DHX15: variants seen among roughly 807,000 people sequenced by gnomAD.
DHX15 encodes the protein ATP-dependent RNA helicase DHX15.
Under a neutral mutation model 94.4 loss-of-function variants are expected in DHX15, and 11 were observed. That is an observed-to-expected ratio of 0.12 (90% CI 0.07 to 0.19). The LOEUF (loss-of-function observed/expected upper bound fraction) is 0.19. Ranked by LOEUF, DHX15 falls within the 10% of genes least tolerant of loss-of-function variation. The pLI, the probability that DHX15 is intolerant of heterozygous loss-of-function variation, is 1.00. For missense variants in DHX15, 304 were observed against 988.5 expected (o/e 0.31, Z 9.29); for synonymous variants, 338 against 329.9 (o/e 1.02, Z -0.27).
chr4:24,529,035 T>A (rs1043930033), intron 13 of DHX15, among the ~76,000 whole-genome samples: 4 of 152,084 alleles, frequency 2.6e-5, no homozygotes, highest in Middle Eastern at 3.4e-3. Context: ...TTTTTAAAAG[T>A]ATGTCTGAGA....
intron 2 of DHX15, among the ~76,000 whole-genome samples, chr4:24,575,241 C>T (rs1281198584): frequency 6.6e-6 from 1 of 151,852 alleles, no homozygotes; most frequent in Non-Finnish European, 1.5e-5. Flanking sequence ...GCTACAGTAC[C>T]TTCAAAATGT....
intron 1 of DHX15, among the ~76,000 whole-genome samples, chr4:24,579,781 T>C (rs1432745495): frequency 1.3e-5 from 2 of 152,228 alleles, no homozygotes; most frequent in South Asian, 2.1e-4. Flanking sequence ...ATTACTATTA[T>C]TTTGAGACGG....
At chr4:24,540,486 T>C (rs544473367) in intron 9 of DHX15, among the ~76,000 whole-genome samples, 187 bp from the exon 10 acceptor site, 1 of 152,266 alleles carries the variant, frequency 6.6e-6, no homozygotes, top group East Asian at 1.9e-4. Context: ...AAAATTTTCC[T>C]GTAGGCAAAA....
chr4:24,563,558 T>C (rs930758948), intron 3 of DHX15: 1 of 152,226 alleles, frequency 6.6e-6, no homozygotes, highest in African/African-American at 2.4e-5. Context: ...AAGTTGTTGA[T>C]TCCATCTGTA....
At chr4:24,538,693 C>T (rs558205132) in intron 10 of DHX15, 1 of 152,110 alleles carries the variant, frequency 6.6e-6, no homozygotes, top group East Asian at 1.9e-4. Flanking sequence ...AATGCTCATT[C>T]TCCTGACAAA....
At position 24,545,749 on chromosome 4, in the gene DHX15, C is replaced by T. The variant is rs78852539; in HGVS notation, c.1249-2723G>A. ...ATGGCACACCATACAACCAGGAACCCATCAGGAGACAAAATGACCTTGAAT... is the reference window on the plus strand; with the variant it reads ...ATGGCACACCATACAACCAGGAACCTATCAGGAGACAAAATGACCTTGAAT... On this transcript the variant is annotated intron_variant, in intron 6 of 13. Coordinates refer to ENST00000336812, the MANE Select transcript of DHX15 (RefSeq NM_001358.3). Among the ~76,000 whole-genome samples, 1,090 of 152,264 alleles carry T rather than the reference C, an allele frequency of 7.2e-3. 22 individuals are homozygous for T. Among genetic ancestry groups the T allele is most frequent in the African/African-American group, 0.025 (1,044 of 41,534 alleles).
At chr4:24,542,841 G>A in intron 7 of DHX15, 99 bp downstream of exon 7, 1 of 883,584 alleles carries the variant, frequency 1.1e-6, no homozygotes, top group Non-Finnish European at 1.7e-6. Flanking sequence ...AAAAAAGATA[G>A]GAAAATAATT....
chr4:24,534,932 G>A (rs190917086), intron 11 of DHX15, among the ~76,000 whole-genome samples: 1 of 148,228 alleles, frequency 6.7e-6, no homozygotes, highest in Non-Finnish European at 1.5e-5. Flanking sequence ...ATAATAACAC[G>A]TGGGGATCTG....
Position 24,584,495 on chromosome 4 carries a change from C to G in DHX15, c.-102G>C. ...AACTCTGGAGGACCCCCACCCCTCC[C>G]GCTACTACAGCCCACACGGTGCGGC... On this transcript the variant is annotated 5_prime_UTR_variant, in exon 1 of 14. Transcript: ENST00000336812. 8.7e-7 allele frequency: 1 copy of G among 1,150,010 alleles called. No individual in the cohort carries two copies. The highest frequency in any genetic ancestry group is 1.2e-6 in the Non-Finnish European group (1 of 812,072). 71.2% of individuals were successfully genotyped at this position (1,150,010 alleles called of 1,614,324 possible).
chr4:24,565,716 A>T (rs975788464), intron 3 of DHX15, among the ~76,000 whole-genome samples: 3 of 152,096 alleles, frequency 2.0e-5, no homozygotes, highest in Admixed American at 6.5e-5. Context: ...TTAACTGGTT[A>T]AAAAGATCCA....
intron 5 of DHX15, among the ~76,000 whole-genome samples, chr4:24,552,954 A>G (rs903578006): frequency 3.3e-5 from 5 of 152,264 alleles, no homozygotes; most frequent in Admixed American, 3.3e-4. Context: ...CCATGAGGCC[A>G]TTTGATATTT....
intron 5 of DHX15, among the ~76,000 whole-genome samples, chr4:24,553,439 A>C (rs1721655973): frequency 6.6e-6 from 1 of 152,124 alleles, no homozygotes; most frequent in South Asian, 2.1e-4. Flanking sequence ...AACAGCCTCA[A>C]TACTACATTA....
At chr4:24,581,876 T>C (rs1023817108) in intron 1 of DHX15, among the ~76,000 whole-genome samples, 1 of 152,178 alleles carries the variant, frequency 6.6e-6, no homozygotes, top group Non-Finnish European at 1.5e-5. Flanking sequence ...CAGAAACCTA[T>C]AATAACTTCA....
chr4:24,547,921 A>ATATATC (rs1721474653), intron 6 of DHX15, among the ~76,000 whole-genome samples: 1 of 89,176 alleles, frequency 1.1e-5, no homozygotes, highest in South Asian at 4.1e-4. Context: ...ATATATATAT[A>ATATATC]TATATATATA....
In DHX15 at chr4:24,576,426, G is replaced by A; in HGVS notation, c.324C>T (p.His108=). 1 of 1,614,198 alleles carries A rather than the reference G, an allele frequency of 6.2e-7. No homozygotes were observed. The highest frequency in any genetic ancestry group is 8.5e-7 in the Non-Finnish European group (1 of 1,180,034). Residue 108 remains histidine, a synonymous_variant, in exon 2 of 14, where the codon CAC becomes CAT. Transcript: ENST00000336812. ...AHSTHAGHAG[H]TSLPQCINPF... ...GATTAATGCACTGTGGAAGTGACGTGTGACCTGCATGTCCGGCATGCGTTG... is the reference window on the plus strand; with the variant it reads ...GATTAATGCACTGTGGAAGTGACGTATGACCTGCATGTCCGGCATGCGTTG...
intron 11 of DHX15, among the ~76,000 whole-genome samples, chr4:24,536,556 C>A (rs187385385): frequency 6.6e-6 from 1 of 152,288 alleles, no homozygotes; most frequent in African/African-American, 2.4e-5. Flanking sequence ...TAATGCACTT[C>A]TTGGGCTAAC....
intron 12 of DHX15, chr4:24,530,711 C>G (rs1721066074): frequency 6.6e-6 from 1 of 152,070 alleles, no homozygotes; most frequent in African/African-American, 2.4e-5. Context: ...ACGTGCTTCC[C>G]TCTCATTTCT....
At chr4:24,582,022 G>C (rs886427724) in intron 1 of DHX15, among the ~76,000 whole-genome samples, 1 of 152,076 alleles carries the variant, frequency 6.6e-6, no homozygotes, top group Non-Finnish European at 1.5e-5. Flanking sequence ...AGTGGAGTTT[G>C]TAAGACTGAC....
intron 3 of DHX15, among the ~76,000 whole-genome samples, chr4:24,566,839 T>C (rs1227057531): frequency 6.6e-6 from 1 of 152,046 alleles, no homozygotes; most frequent in Non-Finnish European, 1.5e-5. Flanking sequence ...CAAAAATAAA[T>C]AAATAAATCC....
Sources: gnomAD v4.1 joint callset for allele counts (sites outside exome capture counted in the v4.1 genomes callset) on GRCh38, gnomAD v4.1.1 for gene constraint, MANE v1.5 for transcripts, NCBI Gene and HGNC (gene_info 2026-07-23, HGNC 2026-07-21) for gene names.